SLCO3A1: variants seen among roughly 807,000 people sequenced by gnomAD.
SLCO3A1 encodes the protein solute carrier organic anion transporter family member 3A1.
A neutral mutation model predicts 63.1 loss-of-function variants in SLCO3A1; 27 were observed. The ratio of observed to expected loss-of-function variants is 0.43; its 90% CI spans 0.32 to 0.59. SLCO3A1 has a LOEUF of 0.59. Among genes scored for constraint, SLCO3A1 ranks in the 20% least tolerant of loss-of-function variants. The pLI, the probability that SLCO3A1 is intolerant of heterozygous loss-of-function variation, is 0.09. For missense variants in SLCO3A1, 773 were observed against 945.8 expected, an observed-to-expected ratio of 0.82 and a Z score of 2.40; for synonymous variants, 473 against 409.9, an observed-to-expected ratio of 1.15 and a Z score of -1.86.
chr15:92,071,827 CA>C (rs2047219207), intron 2 of SLCO3A1, among the ~76,000 whole-genome samples: 1 of 152,174 alleles, frequency 6.6e-6, no homozygotes, highest in African/African-American at 2.4e-5. Flanking sequence ...TCTGTGTTTG[CA>C]GTTGTTCCTG....
intron 7 of SLCO3A1, among the ~76,000 whole-genome samples, chr15:92,146,147 C>T (rs1007775577): frequency 6.6e-6 from 1 of 152,146 alleles, no homozygotes; most frequent in African/African-American, 2.4e-5. Context: ...AAGGCCTCTG[C>T]ACTATTATTA....
At chr15:92,036,364 T>C (rs72757422) in intron 2 of SLCO3A1, among the ~76,000 whole-genome samples, 242 of 12,268 alleles carry the variant, frequency 0.02, 1 homozygote, top group Admixed American at 0.065. Flanking sequence ...GTTTTCTTTT[T>C]TTTTTTTTTT....
chr15:91,871,753 TG>T (rs1268333826), intron 1 of SLCO3A1, among the ~76,000 whole-genome samples: 2,247 of 115,658 alleles, frequency 0.019, 70 homozygotes, highest in African/African-American at 0.078. Flanking sequence ...GTGCTCATTT[TG>T]TTTTTTTTTG....
chr15:92,122,297 G>A (rs77662952), intron 5 of SLCO3A1, among the ~76,000 whole-genome samples: 1,962 of 152,308 alleles, frequency 0.013, 49 homozygotes, highest in African/African-American at 0.045. Flanking sequence ...CACAGACTTC[G>A]TCTTCTCTGT....
intron 3 of SLCO3A1, among the ~76,000 whole-genome samples, chr15:92,102,884 C>T (rs1596103579): frequency 6.6e-6 from 1 of 152,180 alleles, no homozygotes; most frequent in East Asian, 1.9e-4. Context: ...ACCTGTGTTC[C>T]GTTCTTCAGC....
chr15:91,885,891 G>A lies in SLCO3A1; in HGVS notation c.181-30102G>A, dbSNP rs1897712014. ...GGAGCAAGAATGTTTCAGGCAGAGGGACTAGGAAGTGCAAAGGCCCTGGGG... is the reference window on the plus strand; with the variant it reads ...GGAGCAAGAATGTTTCAGGCAGAGGAACTAGGAAGTGCAAAGGCCCTGGGG... On this transcript the variant is annotated intron_variant, in intron 1 of 9. Transcript: ENST00000318445. This position sits in a 1 kb window ranked among gnomAD's most constrained non-coding sequence, Gnocchi z 4.7. 6.6e-6 allele frequency among the ~76,000 whole-genome samples: 1 copy of A among 152,210 alleles called. No individual in the cohort carries two copies. The highest frequency in any genetic ancestry group is 1.5e-5 in the Non-Finnish European group (1 of 68,042).
chr15:92,086,888 A>G (rs2047411108), intron 2 of SLCO3A1, among the ~76,000 whole-genome samples: 1 of 152,012 alleles, frequency 6.6e-6, no homozygotes, highest in Non-Finnish European at 1.5e-5. Flanking sequence ...AGGCAGGAGA[A>G]TCACTTGAAC....
intron 7 of SLCO3A1, among the ~76,000 whole-genome samples, chr15:92,145,199 C>G (rs998461232): frequency 7.2e-5 from 11 of 152,290 alleles, no homozygotes; most frequent in African/African-American, 1.9e-4. Flanking sequence ...CGTGTGGAAA[C>G]AGAAGCCAGT....
At chr15:91,985,981 C>T (rs1263421768) in intron 2 of SLCO3A1, among the ~76,000 whole-genome samples, 1 of 152,134 alleles carries the variant, frequency 6.6e-6, no homozygotes, top group Non-Finnish European at 1.5e-5. Context: ...GTATGGCTCT[C>T]CCCCTTGTAA....
chr15:91,950,197 G>A lies in SLCO3A1; in HGVS notation c.646+33739G>A, dbSNP rs573999007. ...GAGGAAGCAGCTGGAATGAGGTAGG[G>A]AGGCCTGATGGTATGGAGTCTGCAT... On this transcript the variant is annotated intron_variant, in intron 2 of 9. Coordinates refer to ENST00000318445, the MANE Select transcript of SLCO3A1 (RefSeq NM_013272.4). This position sits in a 1 kb window ranked among gnomAD's most constrained non-coding sequence, Gnocchi z 4.4. Among the ~76,000 whole-genome samples the A allele has an allele frequency of 9.8e-5, 15 of 152,368 alleles. 1 individual carries two copies. The South Asian group carries it at 2.5e-3, about 25-fold the overall frequency.
intron 5 of SLCO3A1, among the ~76,000 whole-genome samples, chr15:92,125,318 C>G (rs1036290574): frequency 2.6e-5 from 4 of 152,144 alleles, no homozygotes; most frequent in Non-Finnish European, 5.9e-5. Context: ...GCAAAACCAA[C>G]GCAGGAGCTT....
intron 2 of SLCO3A1, among the ~76,000 whole-genome samples, chr15:91,971,412 C>CAAAAAAAAAAAAAAAAAAAAAAAAA (rs1193750050): frequency 1.4e-4 from 6 of 43,224 alleles, no homozygotes; most frequent in South Asian, 8.9e-4. Context: ...AAAAAAAAAG[C>CAAAAAAAAAAAAAAAAAAAAAAAAA]AACCTCTTCC....
intron 7 of SLCO3A1, among the ~76,000 whole-genome samples, chr15:92,136,073 G>C (rs2048053483): frequency 6.6e-6 from 1 of 152,154 alleles, no homozygotes; most frequent in South Asian, 2.1e-4. Flanking sequence ...AGTAAGCTAT[G>C]ATCATGCCAC....
chr15:92,042,073 C>G (rs770030183), intron 2 of SLCO3A1, among the ~76,000 whole-genome samples: 1 of 152,130 alleles, frequency 6.6e-6, no homozygotes. Context: ...CCCCATGTGA[C>G]TCTGGGGTTC....
At position 92,038,273 on chromosome 15, in the gene SLCO3A1, G is replaced by A. The variant is rs575268163; in HGVS notation, c.647-56608G>A. ...GCTAATAATGTGTGTAAAGGCACTAGGTAAGTTACAAAATTCTGTACCAGT... is the reference window on the plus strand; with the variant it reads ...GCTAATAATGTGTGTAAAGGCACTAAGTAAGTTACAAAATTCTGTACCAGT... On this transcript the variant is annotated intron_variant, in intron 2 of 9. Transcript: ENST00000318445. Among the ~76,000 whole-genome samples, 63 of 152,244 alleles carry A rather than the reference G, an allele frequency of 4.1e-4. 1 individual carries two copies. Among genetic ancestry groups the A allele is most frequent in the African/African-American group, 1.1e-3 (45 of 41,534 alleles).
intron 2 of SLCO3A1, among the ~76,000 whole-genome samples, chr15:91,936,566 T>C (rs10444880): frequency 0.29 from 43,714 of 152,152 alleles, 6,526 homozygotes; most frequent in African/African-American, 0.32. Flanking sequence ...ATTTTGGAAC[T>C]TTTTTCCTGA....
intron 1 of SLCO3A1, among the ~76,000 whole-genome samples, chr15:91,902,632 C>G (rs922243633): frequency 6.6e-6 from 1 of 152,034 alleles, no homozygotes; most frequent in Admixed American, 6.6e-5. Flanking sequence ...AATTAGTGCT[C>G]CTCAGTTTGT....
At chr15:91,914,525 C>T (rs1898587869) in intron 1 of SLCO3A1, among the ~76,000 whole-genome samples, 2 of 151,006 alleles carry the variant, frequency 1.3e-5, no homozygotes, top group African/African-American at 4.9e-5. Flanking sequence ...TTTGTGGCTC[C>T]TTACAATTTG....
intron 9 of SLCO3A1, among the ~76,000 whole-genome samples, chr15:92,154,794 G>A (rs1358919662): frequency 6.6e-6 from 1 of 152,128 alleles, no homozygotes. Flanking sequence ...GGAGAGTGGA[G>A]CCAAAGAAGC....
Sources: allele counts gnomAD v4.1 joint callset (sites outside exome capture counted in the v4.1 genomes callset), GRCh38; gene constraint gnomAD v4.1.1; non-coding constraint Gnocchi (gnomAD v3.1); transcripts MANE v1.5; gene names NCBI Gene and HGNC (gene_info 2026-07-23, HGNC 2026-07-21).